ABCC4: variants seen among roughly 807,000 people sequenced by gnomAD.
ABCC4 encodes the protein ATP binding cassette subfamily C member 4 (PEL blood group), also known as ATP-binding cassette sub-family C member 4.
A neutral mutation model predicts 168.5 loss-of-function variants in ABCC4; 102 were observed. The ratio of observed to expected loss-of-function variants is 0.61; its 90% CI spans 0.52 to 0.71. The LOEUF (loss-of-function observed/expected upper bound fraction) is 0.71. ABCC4 is among the 30% of genes least tolerant of loss of function. The pLI is 0.00. For missense variants in ABCC4, 1,402 were observed against 1,605.8 expected, an observed-to-expected ratio of 0.87 and a Z score of 2.17; for synonymous variants, 617 against 590.7, an observed-to-expected ratio of 1.04 and a Z score of -0.65.
intron 9 of ABCC4, among the ~76,000 whole-genome samples, chr13:95,194,083 C>T (rs1025527115): frequency 6.6e-6 from 1 of 152,192 alleles, no homozygotes; most frequent in Non-Finnish European, 1.5e-5. Context: ...TCCTTGGAAG[C>T]ATGAGGAGGG....
intron 30 of ABCC4, among the ~76,000 whole-genome samples, chr13:95,025,179 CCACACACA>C (rs202160354): frequency 7.1e-6 from 1 of 140,268 alleles, no homozygotes; most frequent in Non-Finnish European, 1.5e-5. Context: ...ACACACACAC[CCACACACA>C]CCCACACCAC....
chr13:95,101,788 G>A (rs2034819132), intron 20 of ABCC4, among the ~76,000 whole-genome samples: 1 of 152,154 alleles, frequency 6.6e-6, no homozygotes, highest in Non-Finnish European at 1.5e-5. Context: ...CCTAATATCT[G>A]GAATACAAAC....
chr13:95,177,421 T>C (rs1276224887), intron 13 of ABCC4, among the ~76,000 whole-genome samples: 3 of 152,156 alleles, frequency 2.0e-5, no homozygotes, highest in Admixed American at 1.3e-4. Context: ...CAACTGTAAT[T>C]ACTAGTAGGG....
At chr13:95,050,949 A>G (rs766004483) in intron 27 of ABCC4, among the ~76,000 whole-genome samples, 15 of 152,220 alleles carry the variant, frequency 9.9e-5, no homozygotes, top group Non-Finnish European at 2.2e-4. Context: ...ACACTTTATG[A>G]GTAATTCTTG....
intron 27 of ABCC4, among the ~76,000 whole-genome samples, chr13:95,049,105 A>T (rs1417079543): frequency 6.6e-6 from 1 of 152,080 alleles, no homozygotes; most frequent in Non-Finnish European, 1.5e-5. Flanking sequence ...AGGCCGAGAC[A>T]GGCAGATCAC....
chr13:95,240,868 G>A (rs890546599), intron 3 of ABCC4, among the ~76,000 whole-genome samples: 1 of 152,018 alleles, frequency 6.6e-6, no homozygotes, highest in Admixed American at 6.6e-5. Context: ...CTATTCGGGA[G>A]GCTGAGGCAG....
intron 11 of ABCC4, among the ~76,000 whole-genome samples, chr13:95,180,050 G>A (rs1200016299): frequency 6.6e-6 from 1 of 151,950 alleles, no homozygotes. Flanking sequence ...ACTAAATAAA[G>A]TACATCACCA....
chr13:95,128,413 A>G (rs1237864848), intron 19 of ABCC4, among the ~76,000 whole-genome samples: 1 of 152,218 alleles, frequency 6.6e-6, no homozygotes, highest in Non-Finnish European at 1.5e-5. Flanking sequence ...ATCTCTGTGC[A>G]TGATATTCTT....
chr13:95,177,596 G>A (rs1241506164), intron 13 of ABCC4, 111 bp downstream of exon 13: 3 of 770,362 alleles, frequency 3.9e-6, no homozygotes, highest in Non-Finnish European at 6.2e-6. Flanking sequence ...ACAGTGTGGG[G>A]AGGGGAGCGG....
In ABCC4 at chr13:95,121,765, A is replaced by T. The variant is rs982733776; in HGVS notation, c.2456-5764T>A. 3.7e-4 allele frequency among the ~76,000 whole-genome samples: 56 copies of T among 152,236 alleles called. No homozygotes were observed. In the East Asian group the frequency reaches 4.2e-3, roughly 12 times the overall value. ...GCCTTGAAGAATCTTAAAGAATGAG[A>T]CAGAGGATGAAGAGGAGGCCAAGCA... On this transcript the variant is annotated intron_variant, in intron 19 of 30. Coordinates refer to ENST00000645237, the MANE Select transcript of ABCC4 (RefSeq NM_005845.5).
chr13:95,127,987 T>A (rs996118653), intron 19 of ABCC4, among the ~76,000 whole-genome samples: 2 of 152,242 alleles, frequency 1.3e-5, no homozygotes, highest in Non-Finnish European at 2.9e-5. Flanking sequence ...ACATTTTTTA[T>A]ATTCTAAGAA....
At chr13:95,075,298 G>A (rs562449865) in intron 22 of ABCC4, 134 bp downstream of exon 22, 20 of 1,182,964 alleles carry the variant, frequency 1.7e-5, no homozygotes, top group Admixed American at 2.1e-5. Context: ...GGAAGGAGAC[G>A]AAGATGCGCA....
intron 1 of ABCC4, among the ~76,000 whole-genome samples, chr13:95,265,543 C>G (rs1177589476): frequency 1.3e-5 from 2 of 152,090 alleles, no homozygotes; most frequent in Non-Finnish European, 2.9e-5. Flanking sequence ...GGCTGAGGCT[C>G]GAGGACTGCT....
At chr13:95,269,788 AC>A (rs1379595381) in intron 1 of ABCC4, among the ~76,000 whole-genome samples, 4 of 152,230 alleles carry the variant, frequency 2.6e-5, no homozygotes, top group Non-Finnish European at 4.4e-5. Context: ...TCCTACAGAT[AC>A]ATCTGAAAAT....
chr13:95,267,878 G>A (rs928332064), intron 1 of ABCC4, among the ~76,000 whole-genome samples: 1 of 152,158 alleles, frequency 6.6e-6, no homozygotes, highest in Non-Finnish European at 1.5e-5. Flanking sequence ...AGGGCAGGGG[G>A]TACTGGAGAC....
Position 95,275,498 on chromosome 13 carries a change from C to A in ABCC4, c.74+25743G>T, listed in dbSNP as rs1004223419. ...TCAAAGGTCTGATCCAAAACTCCCCCATCCCCTTGTTGGCTTTGAACATGA... is the reference window on the plus strand; with the variant it reads ...TCAAAGGTCTGATCCAAAACTCCCCAATCCCCTTGTTGGCTTTGAACATGA... On this transcript the variant is annotated intron_variant, in intron 1 of 30. Coordinates refer to ENST00000645237, the MANE Select transcript of ABCC4 (RefSeq NM_005845.5). Among the ~76,000 whole-genome samples the A allele has an allele frequency of 1.2e-4, 19 of 152,268 alleles. No individual in the cohort carries two copies. The South Asian group carries it at 3.9e-3, about 32-fold the overall frequency.
At chr13:95,132,715 C>A (rs991641360) in intron 19 of ABCC4, among the ~76,000 whole-genome samples, 4 of 152,142 alleles carry the variant, frequency 2.6e-5, no homozygotes, top group African/African-American at 4.8e-5. Flanking sequence ...TATATACACA[C>A]CATGCAATAT....
chr13:95,242,997 T>G (rs1313504654), intron 3 of ABCC4, among the ~76,000 whole-genome samples: 1 of 152,198 alleles, frequency 6.6e-6, no homozygotes, highest in Non-Finnish European at 1.5e-5. Context: ...AAGGTTAAAA[T>G]GAGCATCATC....
chr13:95,174,766 G>A (rs148948471), intron 13 of ABCC4, among the ~76,000 whole-genome samples: 166 of 152,256 alleles, frequency 1.1e-3, no homozygotes, highest in Non-Finnish European at 1.9e-3. Context: ...AAGCCACAGA[G>A]GCCCTTCTCG....
Sources: gnomAD v4.1 joint callset for allele counts (sites outside exome capture counted in the v4.1 genomes callset) on GRCh38, gnomAD v4.1.1 for gene constraint, MANE v1.5 for transcripts, NCBI Gene and HGNC (gene_info 2026-07-23, HGNC 2026-07-21) for gene names.